SH3RF1: variants seen among roughly 807,000 people sequenced by gnomAD.
SH3RF1 encodes the protein SH3 domain containing ring finger 1.
SH3RF1 carries 32 observed loss-of-function variants against 74.0 expected under a neutral mutation model. That is an observed-to-expected ratio of 0.43 (90% CI 0.33 to 0.58). The LOEUF (loss-of-function observed/expected upper bound fraction) is 0.58. Ranked by LOEUF, SH3RF1 falls within the 20% of genes least tolerant of loss-of-function variation. The pLI, the probability that SH3RF1 is intolerant of heterozygous loss-of-function variation, is 0.05. For synonymous variants in SH3RF1, 396 were observed against 439.6 expected, an observed-to-expected ratio of 0.90 and a Z score of 1.24; for missense variants, 954 against 1,130.9, an observed-to-expected ratio of 0.84 and a Z score of 2.24.
intron 2 of SH3RF1, among the ~76,000 whole-genome samples, chr4:169,209,145 C>T (rs2126994783): frequency 6.6e-6 from 1 of 151,958 alleles, no homozygotes; most frequent in East Asian, 1.9e-4. Flanking sequence ...AAAAATCAGC[C>T]AGACACGGTG....
Position 169,145,025 on chromosome 4 carries a change from CA to C in SH3RF1, c.766-8406del, listed in dbSNP as rs146411221. Among the ~76,000 whole-genome samples, 20 of 152,206 alleles carry C rather than the reference CA, an allele frequency of 1.3e-4. 1 individual carries two copies. In the East Asian group the frequency reaches 3.7e-3, roughly 28 times the overall value. On this transcript the variant is annotated intron_variant, in intron 4 of 11. Coordinates refer to ENST00000284637, the MANE Select transcript of SH3RF1 (RefSeq NM_020870.4). ...ACCAACGACCCAGAAATGAAAAAGG[CA>C]AAGAGTTTCAGAGAGATTAAGAATA... is the stretch of plus-strand genomic sequence containing the variant.
At chr4:169,263,546 A>C (rs1731311911) in intron 2 of SH3RF1, among the ~76,000 whole-genome samples, 1 of 152,210 alleles carries the variant, frequency 6.6e-6, no homozygotes, top group South Asian at 2.1e-4. Flanking sequence ...AACCTGGAGC[A>C]ACTCAGTTGT....
At chr4:169,200,573 A>C (rs1357012547) in intron 2 of SH3RF1, among the ~76,000 whole-genome samples, 1 of 152,216 alleles carries the variant, frequency 6.6e-6, no homozygotes, top group African/African-American at 2.4e-5. Flanking sequence ...ACATAATGTG[A>C]GGAAAAAAAC....
chr4:169,262,802 G>A lies in SH3RF1; in HGVS notation c.393+6018C>T, dbSNP rs115800571. Among the ~76,000 whole-genome samples, 389 of 152,198 alleles carry A rather than the reference G, an allele frequency of 2.6e-3. 2 individuals carry two copies. Among genetic ancestry groups the A allele is most frequent in the African/African-American group, 8.9e-3 (368 of 41,516 alleles). ...TTTTAAAAAAATTATCAATTAGTAT[G>A]CACCACAGACCCCCTTTCCCATACC... On this transcript the variant is annotated intron_variant, in intron 2 of 11. Coordinates refer to ENST00000284637, the MANE Select transcript of SH3RF1 (RefSeq NM_020870.4).
intron 11 of SH3RF1, among the ~76,000 whole-genome samples, chr4:169,103,590 C>T (rs576036001): frequency 8.5e-5 from 13 of 152,168 alleles, no homozygotes; most frequent in Middle Eastern, 3.4e-3. Flanking sequence ...ACAAGTAATC[C>T]CTAAATTCTA....
Position 169,120,813 on chromosome 4 carries a change from C to T in SH3RF1, c.1517+6G>A, listed in dbSNP as rs367840557. ...AACATAGTAAACAATGTATTCAAAA[C>T]CATACCTTGTGACTGGTGCCACATA... is the stretch of plus-strand genomic sequence containing the variant. On this transcript the variant is annotated splice_donor_region_variant and intron_variant, in intron 8 of 11. Coordinates refer to ENST00000284637, the MANE Select transcript of SH3RF1 (RefSeq NM_020870.4). 1 of 1,613,322 alleles carries T rather than the reference C, an allele frequency of 6.2e-7. No homozygotes were observed. The highest frequency in any genetic ancestry group is 8.5e-7 in the Non-Finnish European group (1 of 1,179,334).
chr4:169,117,430 ACAT>A, intron 9 of SH3RF1, 90 bp downstream of exon 9: 1 of 1,533,296 alleles, frequency 6.5e-7, no homozygotes. Context: ...TATTAAAATT[ACAT>A]CTACATTTCT....
chr4:169,162,266 A>G (rs911654046), intron 2 of SH3RF1, among the ~76,000 whole-genome samples: 1 of 152,252 alleles, frequency 6.6e-6, no homozygotes, highest in Non-Finnish European at 1.5e-5. Flanking sequence ...ATTTCATGAA[A>G]ATATTGATTC....
chr4:169,257,363 G>T (rs946678436), intron 2 of SH3RF1, among the ~76,000 whole-genome samples: 12 of 152,128 alleles, frequency 7.9e-5, no homozygotes, highest in Admixed American at 7.9e-4. Flanking sequence ...TCTCAGCTAG[G>T]GTAAACTTAT....
At chr4:169,126,377 G>T (rs1733525454) in intron 6 of SH3RF1, among the ~76,000 whole-genome samples, 3 of 152,106 alleles carry the variant, frequency 2.0e-5, no homozygotes. Context: ...CTGATTTTTA[G>T]ATCTCCTGCC....
chr4:169,191,559 GGAACCAAAAAA>G (rs1277262656), intron 2 of SH3RF1, among the ~76,000 whole-genome samples: 1 of 152,010 alleles, frequency 6.6e-6, no homozygotes, highest in African/African-American at 2.4e-5. Flanking sequence ...TAATTCATGT[GGAACCAAAAAA>G]GAACCAATAA....
At chr4:169,149,114 A>G (rs1733936823) in intron 4 of SH3RF1, among the ~76,000 whole-genome samples, 1 of 152,328 alleles carries the variant, frequency 6.6e-6, no homozygotes, top group East Asian at 1.9e-4. Context: ...GGAACTCCAT[A>G]AACATTAACC....
At chr4:169,208,410 T>A (rs1191995145) in intron 2 of SH3RF1, among the ~76,000 whole-genome samples, 1 of 152,124 alleles carries the variant, frequency 6.6e-6, no homozygotes. Context: ...CAGCAATGGG[T>A]AGGGGAGAAA....
chr4:169,186,230 T>C (rs1734599839), intron 2 of SH3RF1, among the ~76,000 whole-genome samples: 2 of 152,138 alleles, frequency 1.3e-5, no homozygotes, highest in African/African-American at 4.8e-5. Flanking sequence ...AGCTGGAAAA[T>C]GCCTGGACTT....
intron 4 of SH3RF1, among the ~76,000 whole-genome samples, chr4:169,137,287 C>T (rs886824631): frequency 6.6e-6 from 1 of 152,140 alleles, no homozygotes; most frequent in Admixed American, 6.6e-5. Flanking sequence ...AAATTCAAGT[C>T]CTATTGGCAA....
intron 4 of SH3RF1, among the ~76,000 whole-genome samples, chr4:169,155,210 T>C (rs542464030): frequency 1.8e-4 from 28 of 152,288 alleles, no homozygotes; most frequent in African/African-American, 5.8e-4. Flanking sequence ...GGAAATAGTG[T>C]AGGTGACTGA....
chr4:169,217,232 C>T (rs142014032), intron 2 of SH3RF1: 12 of 151,776 alleles, frequency 7.9e-5, no homozygotes, highest in African/African-American at 2.7e-4. Flanking sequence ...TCAGACAAGG[C>T]TTGGTTCAAC....
chr4:169,106,509 C>T (rs1289695872), intron 11 of SH3RF1, among the ~76,000 whole-genome samples: 3 of 150,650 alleles, frequency 2.0e-5, no homozygotes, highest in Non-Finnish European at 4.4e-5. Flanking sequence ...AAAAAGACAG[C>T]AATTAGTGGC....
At chr4:169,109,814 A>C (rs148364234) in intron 10 of SH3RF1, among the ~76,000 whole-genome samples, 2,327 of 150,752 alleles carry the variant, frequency 0.015, 66 homozygotes, top group African/African-American at 0.054. Context: ...GTTCAAGACC[A>C]GCCTGGGCAA....
Sources: gnomAD v4.1 joint callset for allele counts (sites outside exome capture counted in the v4.1 genomes callset) on GRCh38, gnomAD v4.1.1 for gene constraint, MANE v1.5 for transcripts, NCBI Gene and HGNC (gene_info 2026-07-23, HGNC 2026-07-21) for gene names.